The following F13A1 variants were observed in gnomAD, a reference collection of about 807,000 sequenced individuals.
F13A1 encodes FSF, A subunit.
F13A1 carries 47 observed loss-of-function variants against 80.1 expected under a neutral mutation model. The ratio of observed to expected loss-of-function variants is 0.59; its 90% CI spans 0.46 to 0.75. The LOEUF is 0.75. Among genes scored for constraint, F13A1 ranks in the 30% least tolerant of loss-of-function variants. The pLI, the probability that F13A1 is intolerant of heterozygous loss-of-function variation, is 0.00. For synonymous variants in F13A1, 349 were observed against 344.9 expected (o/e 1.01, Z -0.13); for missense variants, 817 against 930.4 (o/e 0.88, Z 1.59).
At chr6:6,185,016 C>G (rs551954978) in intron 10 of F13A1, among the ~76,000 whole-genome samples, 12 of 152,008 alleles carry the variant, frequency 7.9e-5, no homozygotes, top group Non-Finnish European at 1.5e-4. Context: ...AATGATTGGC[C>G]CCACCCAAAA....
intron 10 of F13A1, among the ~76,000 whole-genome samples, chr6:6,186,551 C>G (rs935275206): frequency 6.6e-6 from 1 of 152,186 alleles, no homozygotes; most frequent in African/African-American, 2.4e-5. Context: ...GGCATTATTT[C>G]TGAGGACTCT....
chr6:6,285,577 G>T (rs997629580), intron 3 of F13A1, among the ~76,000 whole-genome samples: 1 of 152,178 alleles, frequency 6.6e-6, no homozygotes, highest in Non-Finnish European at 1.5e-5. Flanking sequence ...AAAACGGTCA[G>T]ACCCACCTCC....
intron 3 of F13A1, among the ~76,000 whole-genome samples, chr6:6,282,355 G>A (rs764758193): frequency 8.5e-5 from 13 of 152,144 alleles, no homozygotes; most frequent in African/African-American, 3.1e-4. Context: ...CAAAATCGAG[G>A]CTGTTTGAAC....
At chr6:6,205,423 G>T (rs1465383393) in intron 8 of F13A1, among the ~76,000 whole-genome samples, 1 of 152,114 alleles carries the variant, frequency 6.6e-6, no homozygotes, top group African/African-American at 2.4e-5. Context: ...GTTCTACCAG[G>T]GCATCCTGGC....
At chr6:6,279,158 G>A (rs895138217) in intron 3 of F13A1, among the ~76,000 whole-genome samples, 1 of 152,134 alleles carries the variant, frequency 6.6e-6, no homozygotes, top group Non-Finnish European at 1.5e-5. Flanking sequence ...ACTTGCTCAG[G>A]GGACATGGTA....
intron 10 of F13A1, among the ~76,000 whole-genome samples, chr6:6,195,267 C>T (rs997900680): frequency 6.6e-6 from 1 of 152,232 alleles, no homozygotes; most frequent in Non-Finnish European, 1.5e-5. Flanking sequence ...AGAGTAGCCT[C>T]CAGGCTCCCC....
intron 14 of F13A1, among the ~76,000 whole-genome samples, chr6:6,151,359 GA>G (rs1198472415): frequency 6.6e-6 from 1 of 152,166 alleles, no homozygotes; most frequent in Non-Finnish European, 1.5e-5. Context: ...AAGCACCCAT[GA>G]AAAGGGGGTA....
intron 8 of F13A1, among the ~76,000 whole-genome samples, 179 bp from the exon 9 acceptor site, chr6:6,197,505 C>A (rs1258793604): frequency 6.6e-6 from 1 of 152,148 alleles, no homozygotes; most frequent in Non-Finnish European, 1.5e-5. Context: ...TGATGAAACC[C>A]TGTCTCTACT....
chr6:6,210,889 C>A (rs1224003670), intron 8 of F13A1, among the ~76,000 whole-genome samples: 3 of 152,068 alleles, frequency 2.0e-5, no homozygotes, highest in African/African-American at 4.8e-5. Flanking sequence ...CCACCACGCC[C>A]AGCTAATTTT....
chr6:6,247,587 C>T (rs1386073103), intron 6 of F13A1, among the ~76,000 whole-genome samples: 1 of 152,192 alleles, frequency 6.6e-6, no homozygotes, highest in East Asian at 1.9e-4. Flanking sequence ...GTTCTATCTC[C>T]TTTCTCAGAA....
At chr6:6,176,448 G>A (rs1461093979) in intron 11 of F13A1, among the ~76,000 whole-genome samples, 1 of 152,164 alleles carries the variant, frequency 6.6e-6, no homozygotes, top group Non-Finnish European at 1.5e-5. Context: ...AGGTTTATTA[G>A]GTGAATTAGA....
intron 9 of F13A1, among the ~76,000 whole-genome samples, chr6:6,196,343 AT>A (rs1761290160): frequency 6.6e-6 from 1 of 152,240 alleles, no homozygotes; most frequent in African/African-American, 2.4e-5. Context: ...CATTTTGGCC[AT>A]GCCCACCATG....
rs1294060913 is a variant in F13A1 at position 6,207,266 on chromosome 6, C to T, written c.1113-9940G>A. Among the ~76,000 whole-genome samples, 3 of 152,292 alleles carry T rather than the reference C, an allele frequency of 2.0e-5. No individual in the cohort carries two copies. The East Asian group carries it at 5.8e-4, about 29-fold the overall frequency. ...AAATGAGTTTTGAACACTCCGAAAG[C>T]TCTTTCTCTCCAAATTGCCACTGCT... On this transcript the variant is annotated intron_variant, in intron 8 of 14. Transcript: ENST00000264870.
chr6:6,193,089 G>A lies in F13A1; in HGVS notation c.1305+2708C>T, dbSNP rs1041147958. ...ATCCACAGGAACCCACTGCAGCAGGGAGGACATGGGAAGGGAGGGGTAAGA... is the reference window on the plus strand; with the variant it reads ...ATCCACAGGAACCCACTGCAGCAGGAAGGACATGGGAAGGGAGGGGTAAGA... On this transcript the variant is annotated intron_variant, in intron 10 of 14. Coordinates refer to ENST00000264870, the MANE Select transcript of F13A1 (RefSeq NM_000129.4). Among the ~76,000 whole-genome samples the A allele has an allele frequency of 2.6e-5, 4 of 152,256 alleles. No homozygotes were observed. The East Asian group carries it at 7.7e-4, about 29-fold the overall frequency.
At chr6:6,159,572 G>A (rs762806120) in intron 13 of F13A1, among the ~76,000 whole-genome samples, 1 of 152,112 alleles carries the variant, frequency 6.6e-6, no homozygotes, top group South Asian at 2.1e-4. Context: ...GATGGTTGGC[G>A]AGTGGGCTGG....
intron 13 of F13A1, among the ~76,000 whole-genome samples, chr6:6,155,395 G>C (rs538777814): frequency 3.0e-4 from 45 of 152,226 alleles, no homozygotes; most frequent in African/African-American, 1.0e-3. Context: ...TTAGATGCTG[G>C]CATGGGTGTA....
chr6:6,313,796 A>C (rs1431733980), intron 2 of F13A1, among the ~76,000 whole-genome samples: 1 of 152,124 alleles, frequency 6.6e-6, no homozygotes, highest in Non-Finnish European at 1.5e-5. Flanking sequence ...TTAATTTATA[A>C]AGTGTTGTTA....
intron 8 of F13A1, among the ~76,000 whole-genome samples, chr6:6,205,157 C>T (rs1226391467): frequency 6.6e-6 from 1 of 152,184 alleles, no homozygotes; most frequent in Admixed American, 6.5e-5. Context: ...TCTTACTTGT[C>T]CTGTGAAGGC....
chr6:6,153,214 T>C (rs1760410455), intron 13 of F13A1, among the ~76,000 whole-genome samples: 1 of 152,216 alleles, frequency 6.6e-6, no homozygotes, highest in Admixed American at 6.5e-5. Context: ...CATGTTCCTT[T>C]AGCCACTATA....
Sources: gnomAD v4.1 joint callset for allele counts (sites outside exome capture counted in the v4.1 genomes callset) on GRCh38, gnomAD v4.1.1 for gene constraint, MANE v1.5 for transcripts, NCBI Gene and HGNC (gene_info 2026-07-23, HGNC 2026-07-21) for gene names.